Variants in C8orf34 observed in about 807,000 individuals in gnomAD.
The protein encoded by C8orf34 is chromosome 8 open reading frame 34, also known as uncharacterized protein C8orf34.
C8orf34 carries 65 observed loss-of-function variants against 68.3 expected under a neutral mutation model. That is an observed-to-expected ratio of 0.95 (90% confidence interval 0.78 to 1.17). The LOEUF (loss-of-function observed/expected upper bound fraction) is 1.17, where lower values mean the gene tolerates loss of function less well. Ranked by LOEUF, C8orf34 falls within the 50% of genes most tolerant of loss-of-function variation. The pLI is 0.00. For missense variants in C8orf34, 664 were observed against 655.4 expected, an observed-to-expected ratio of 1.01 and a Z score of -0.14; for synonymous variants, 244 against 241.2, an observed-to-expected ratio of 1.01 and a Z score of -0.11.
chr8:68,630,892 A>G (rs1255564279), intron 7 of C8orf34, among the ~76,000 whole-genome samples: 2 of 146,462 alleles, frequency 1.4e-5, no homozygotes, highest in African/African-American at 5.1e-5. Flanking sequence ...TGATCCTCCC[A>G]CCTCAGCCTC....
At chr8:68,589,848 AAG>A (rs1489302461) in intron 7 of C8orf34, among the ~76,000 whole-genome samples, 20 of 142,680 alleles carry the variant, frequency 1.4e-4, no homozygotes, top group Admixed American at 3.5e-4. Context: ...TAAAAAGAAA[AAG>A]AGAGAAATGA....
chr8:68,809,289 A>G (rs1824577074), intron 12 of C8orf34, among the ~76,000 whole-genome samples: 1 of 152,184 alleles, frequency 6.6e-6, no homozygotes, highest in Admixed American at 6.5e-5. Flanking sequence ...CTGTAAAACT[A>G]GAGCTCATTT....
At chr8:68,605,311 A>G (rs1473638733) in intron 7 of C8orf34, among the ~76,000 whole-genome samples, 1 of 152,154 alleles carries the variant, frequency 6.6e-6, no homozygotes, top group East Asian at 1.9e-4. Flanking sequence ...AGTTTCTTAT[A>G]AAACTAAATA....
At chr8:68,770,357 G>T (rs60347737) in intron 10 of C8orf34, among the ~76,000 whole-genome samples, 2 of 152,058 alleles carry the variant, frequency 1.3e-5, no homozygotes, top group East Asian at 3.9e-4. Context: ...TTTTTTGTAC[G>T]TAATAGTGAA....
chr8:68,788,702 T>C (rs935789250), intron 12 of C8orf34, among the ~76,000 whole-genome samples: 5 of 151,942 alleles, frequency 3.3e-5, no homozygotes, highest in Non-Finnish European at 7.4e-5. Context: ...CTACTAAAAA[T>C]GCAAAAATTA....
At chr8:68,517,896 A>G (rs1397464023) in intron 5 of C8orf34, among the ~76,000 whole-genome samples, 1 of 152,162 alleles carries the variant, frequency 6.6e-6, no homozygotes, top group Admixed American at 6.5e-5. Flanking sequence ...TAATTATTCA[A>G]CCTTTTAAAT....
chr8:68,418,364 T>C (rs1217181855), intron 1 of C8orf34, among the ~76,000 whole-genome samples: 1 of 151,968 alleles, frequency 6.6e-6, no homozygotes, highest in African/African-American at 2.4e-5. Context: ...GGCATCCCTG[T>C]CTTGTGCCAG....
At chr8:68,494,858 A>AAT (rs1193088797) in intron 5 of C8orf34, among the ~76,000 whole-genome samples, 12 of 151,084 alleles carry the variant, frequency 7.9e-5, no homozygotes, top group African/African-American at 2.2e-4. Flanking sequence ...TCCATCTCAA[A>AAT]ATATATATAT....
intron 7 of C8orf34, among the ~76,000 whole-genome samples, chr8:68,598,683 A>G (rs1441909302): frequency 6.6e-6 from 1 of 152,190 alleles, no homozygotes; most frequent in Non-Finnish European, 1.5e-5. Context: ...CTTTTCAGAC[A>G]TGAGAAGAGA....
chr8:68,796,119 C>T (rs766184944), intron 12 of C8orf34, among the ~76,000 whole-genome samples: 44 of 152,194 alleles, frequency 2.9e-4, no homozygotes, highest in Non-Finnish European at 6.0e-4. Context: ...TTTAAGGCTA[C>T]TGCAGAGCTA....
chr8:68,705,447 C>T (rs190190284), intron 8 of C8orf34, among the ~76,000 whole-genome samples: 1 of 152,218 alleles, frequency 6.6e-6, no homozygotes, highest in Admixed American at 6.6e-5. Flanking sequence ...AAAGCAATGA[C>T]AGCCTTAAGA....
chr8:68,383,220 T>G (rs1808116659), intron 1 of C8orf34, among the ~76,000 whole-genome samples: 1 of 152,214 alleles, frequency 6.6e-6, no homozygotes, highest in Non-Finnish European at 1.5e-5. Flanking sequence ...TAGTTTCTAG[T>G]AAAATTTTAT....
intron 7 of C8orf34, among the ~76,000 whole-genome samples, chr8:68,588,000 T>G (rs1398935430): frequency 2.6e-5 from 4 of 152,156 alleles, no homozygotes; most frequent in Non-Finnish European, 5.9e-5. Context: ...AGATGCCATA[T>G]TTTTAAAGAG....
chr8:68,394,561 C>T (rs1808613670), intron 1 of C8orf34, among the ~76,000 whole-genome samples: 1 of 151,996 alleles, frequency 6.6e-6, no homozygotes, highest in South Asian at 2.1e-4. Flanking sequence ...AGGAAACATA[C>T]ATCCTTTGGC....
At chr8:68,771,924 C>T (rs552557469) in intron 10 of C8orf34, among the ~76,000 whole-genome samples, 1 of 152,158 alleles carries the variant, frequency 6.6e-6, no homozygotes, top group Non-Finnish European at 1.5e-5. Context: ...TAGTAATTAA[C>T]TCTTGTTCAG....
chr8:68,334,285 T>C lies in C8orf34; in HGVS notation c.327+2946T>C, dbSNP rs79584307. 1.5e-3 allele frequency among the ~76,000 whole-genome samples: 222 copies of C among 152,246 alleles called. 5 individuals are homozygous for C. In the East Asian group the frequency reaches 0.039, roughly 27 times the overall value. On this transcript the variant is annotated intron_variant, in intron 1 of 13. Transcript: ENST00000518698. ...AAGATGTTTTGGAGCATTACAAAAC[T>C]ATGCCTAAAAATCATTGCATTAGAA...
chr8:68,517,361 T>C (rs1278587493), intron 5 of C8orf34, among the ~76,000 whole-genome samples: 1 of 152,200 alleles, frequency 6.6e-6, no homozygotes, highest in Non-Finnish European at 1.5e-5. Flanking sequence ...AAGGAGAAAG[T>C]GCTCTTTGCT....
At chr8:68,624,565 A>G (rs931493302) in intron 7 of C8orf34, among the ~76,000 whole-genome samples, 3 of 152,320 alleles carry the variant, frequency 2.0e-5, no homozygotes, top group East Asian at 1.9e-4. Context: ...GATCTTATCT[A>G]TAATATGCCT....
intron 1 of C8orf34, among the ~76,000 whole-genome samples, chr8:68,354,170 AT>A (rs1806643855): frequency 6.6e-6 from 1 of 152,034 alleles, no homozygotes; most frequent in Non-Finnish European, 1.5e-5. Flanking sequence ...TTACATGTAT[AT>A]TTTTCAATAA....
Sources: allele counts gnomAD v4.1 joint callset (sites outside exome capture counted in the v4.1 genomes callset), GRCh38; gene constraint gnomAD v4.1.1; transcripts MANE v1.5; gene names NCBI Gene and HGNC (gene_info 2026-07-23, HGNC 2026-07-21).